The following RAB27B variants were observed in gnomAD, a reference collection of about 807,000 sequenced individuals.
RAB27B encodes the protein ras-related protein Rab-27B.
A neutral mutation model predicts 24.6 loss-of-function variants in RAB27B; 15 were observed. The observed-to-expected ratio is 0.61, with a 90% CI of 0.41 to 0.94. The LOEUF (loss-of-function observed/expected upper bound fraction) is 0.94, where lower values mean the gene tolerates loss of function less well. Ranked by LOEUF, RAB27B falls within the 40% of genes least tolerant of loss-of-function variation. The pLI, the probability that RAB27B is intolerant of heterozygous loss-of-function variation, is 0.00. For synonymous variants in RAB27B, 105 were observed against 92.5 expected (o/e 1.14, Z -0.78); for missense variants, 261 against 266.8 (o/e 0.98, Z 0.15).
At chr18:54,767,627 T>C (rs529078534) in intron 2 of RAB27B, among the ~76,000 whole-genome samples, 6 of 152,198 alleles carry the variant, frequency 3.9e-5, no homozygotes, top group Non-Finnish European at 8.8e-5. Context: ...AAGTCAATGA[T>C]GTTGATTATC....
In RAB27B at chr18:54,799,691, G is replaced by A. The variant is rs9807388; in HGVS notation, c.-19-77876G>A. Reference sequence around the variant, plus strand: ...GCCACCCAGGCTGGAGTGCAGTGGCGTGATCTCGGCTCACTGCAAGCTCTG... The same window carrying A: ...GCCACCCAGGCTGGAGTGCAGTGGCATGATCTCGGCTCACTGCAAGCTCTG... On this transcript the variant is annotated intron_variant, in intron 2 of 4. Transcript: ENST00000586570. Among the ~76,000 whole-genome samples, 441 of 140,624 alleles carry A rather than the reference G, an allele frequency of 3.1e-3. 2 individuals are homozygous for A. The highest frequency in any genetic ancestry group is 0.011 in the African/African-American group (405 of 37,116). The allele number at this position is 140,624 out of a possible 152,430, so 92.3% of individuals were successfully genotyped here. A position where few individuals can be genotyped will look rare whatever the true frequency, so the allele number is the denominator to read the frequency against.
chr18:54,888,622 AAAAAAC>A (rs1010956712), intron 5 of RAB27B, among the ~76,000 whole-genome samples: 3 of 152,090 alleles, frequency 2.0e-5, no homozygotes, highest in Non-Finnish European at 4.4e-5. Context: ...AGCTTAAAAA[AAAAAAC>A]AGAAACAACA....
At chr18:54,867,724 C>T (rs1220668796) in intron 1 of RAB27B, among the ~76,000 whole-genome samples, 2 of 152,102 alleles carry the variant, frequency 1.3e-5, no homozygotes, top group African/African-American at 4.8e-5. Flanking sequence ...GGATTACAGG[C>T]GTGAGCCACC....
chr18:54,883,580 G>A (rs1913012970), intron 3 of RAB27B, among the ~76,000 whole-genome samples: 1 of 152,108 alleles, frequency 6.6e-6, no homozygotes. Context: ...ATGGTTGGTG[G>A]TGGCTGGGGT....
intron 2 of RAB27B, among the ~76,000 whole-genome samples, chr18:54,813,469 CA>C (rs1330511605): frequency 1.3e-5 from 2 of 152,146 alleles, no homozygotes; most frequent in African/African-American, 4.8e-5. Context: ...GTGCCCTCCC[CA>C]TGGTAATGAG....
intron 2 of RAB27B, among the ~76,000 whole-genome samples, chr18:54,818,506 C>T (rs1910190264): frequency 1.3e-5 from 2 of 152,012 alleles, no homozygotes; most frequent in Admixed American, 6.6e-5. Context: ...CCTCATTTGG[C>T]ATTTTGTTGT....
intron 2 of RAB27B, among the ~76,000 whole-genome samples, chr18:54,718,660 C>A (rs1354649448): frequency 6.6e-6 from 1 of 152,140 alleles, no homozygotes; most frequent in Admixed American, 6.5e-5. Flanking sequence ...CTCAATACCA[C>A]AGCTAGTAGA....
chr18:54,879,576 A>G (rs1912840042), intron 3 of RAB27B, 122 bp downstream of exon 3: 1 of 791,534 alleles, frequency 1.3e-6, no homozygotes, highest in Admixed American at 2.1e-5. Flanking sequence ...TTCAAAATAG[A>G]CATTTGTATC....
intron 2 of RAB27B, among the ~76,000 whole-genome samples, chr18:54,807,898 G>A (rs560332521): frequency 1.4e-4 from 21 of 152,254 alleles, no homozygotes; most frequent in Admixed American, 6.5e-4. Flanking sequence ...CATCACTTCA[G>A]GGGATATCAT....
intron 2 of RAB27B, among the ~76,000 whole-genome samples, chr18:54,784,320 T>G (rs906661060): frequency 2.6e-5 from 4 of 152,212 alleles, no homozygotes; most frequent in African/African-American, 9.7e-5. Flanking sequence ...CATTTCAGAT[T>G]CAGAGGATAC....
intron 2 of RAB27B, chr18:54,718,222 G>A (rs558487498): frequency 6.6e-6 from 1 of 152,152 alleles, no homozygotes; most frequent in South Asian, 2.1e-4. Context: ...CGTTGAAAGA[G>A]CCAATGTGAG....
intron 2 of RAB27B, among the ~76,000 whole-genome samples, chr18:54,799,839 C>G (rs1909545671): frequency 6.6e-6 from 1 of 151,880 alleles, no homozygotes; most frequent in South Asian, 2.1e-4. Context: ...CCGTGTTAGC[C>G]AGGATAGTCT....
At chr18:54,858,388 T>TGG (rs1911870712) in intron 1 of RAB27B, among the ~76,000 whole-genome samples, 1 of 148,300 alleles carries the variant, frequency 6.7e-6, no homozygotes, top group Non-Finnish European at 1.5e-5. Flanking sequence ...TTTTTTTTTT[T>TGG]TTTTTTTTTT....
chr18:54,795,217 G>T (rs879864681), intron 2 of RAB27B, among the ~76,000 whole-genome samples: 7 of 143,252 alleles, frequency 4.9e-5, no homozygotes, highest in African/African-American at 1.5e-4. Context: ...CCCCACACCC[G>T]CCCTAGACTA....
At chr18:54,790,180 T>C (rs1033360837) in intron 2 of RAB27B, among the ~76,000 whole-genome samples, 4 of 152,142 alleles carry the variant, frequency 2.6e-5, no homozygotes, top group African/African-American at 9.6e-5. Flanking sequence ...TTACAAAATA[T>C]TCTCTAAACA....
At chr18:54,752,617 T>C (rs143805720) in intron 2 of RAB27B, among the ~76,000 whole-genome samples, 96 of 152,324 alleles carry the variant, frequency 6.3e-4, no homozygotes, top group African/African-American at 2.1e-3. Flanking sequence ...TGGGGTTTGT[T>C]TGTTATTTTT....
chr18:54,783,447 C>T (rs1908978750), intron 2 of RAB27B, among the ~76,000 whole-genome samples: 1 of 151,490 alleles, frequency 6.6e-6, no homozygotes, highest in Non-Finnish European at 1.5e-5. Context: ...TATTTTGCTT[C>T]AGCTTTAAAA....
intron 2 of RAB27B, among the ~76,000 whole-genome samples, chr18:54,741,367 CA>C (rs1486818306): frequency 6.6e-6 from 1 of 152,088 alleles, no homozygotes; most frequent in African/African-American, 2.4e-5. Flanking sequence ...CCTTTTGTCA[CA>C]AAAAAGTTAG....
intron 1 of RAB27B, among the ~76,000 whole-genome samples, chr18:54,868,746 C>T (rs1299495337): frequency 2.0e-5 from 3 of 152,074 alleles, no homozygotes; most frequent in Admixed American, 1.3e-4. Context: ...CCTGCCTCAG[C>T]CTCCCAAGTA....
Sources: gnomAD v4.1 joint callset for allele counts (sites outside exome capture counted in the v4.1 genomes callset) on GRCh38, gnomAD v4.1.1 for gene constraint, MANE v1.5 for transcripts, NCBI Gene and HGNC (gene_info 2026-07-23, HGNC 2026-07-21) for gene names.